Variants in TYW1 observed in about 807,000 individuals in gnomAD.
TYW1 encodes the protein tRNA-yW synthesizing protein 1 homolog.
A neutral mutation model predicts 96.2 loss-of-function variants in TYW1; 46 were observed. The observed-to-expected ratio is 0.48, with a 90% CI of 0.38 to 0.61. TYW1 has a LOEUF of 0.61. Ranked by LOEUF, TYW1 falls within the 20% of genes least tolerant of loss-of-function variation. TYW1 has a pLI of 0.00. For missense variants in TYW1, 684 were observed against 909.6 expected (o/e 0.75, Z 3.19); for synonymous variants, 274 against 323.0 (o/e 0.85, Z 1.63).
At chr7:67,120,005 A>C (rs1299431686) in intron 13 of TYW1, among the ~76,000 whole-genome samples, 1 of 152,018 alleles carries the variant, frequency 6.6e-6, no homozygotes, top group Non-Finnish European at 1.5e-5. Flanking sequence ...GGCCTCAGGC[A>C]ATCTTCCTGC....
chr7:67,090,524 G>C (rs1179230160), intron 11 of TYW1, among the ~76,000 whole-genome samples: 1 of 152,160 alleles, frequency 6.6e-6, no homozygotes, highest in Non-Finnish European at 1.5e-5. Context: ...TCTGCTGACT[G>C]TAATTGTGAT....
At chr7:67,147,221 G>A (rs1798635809) in intron 13 of TYW1, among the ~76,000 whole-genome samples, 1 of 152,060 alleles carries the variant, frequency 6.6e-6, no homozygotes, top group Non-Finnish European at 1.5e-5. Context: ...AGACTACCTA[G>A]CGTTTACATT....
At chr7:67,028,245 A>C (rs1444560795) in intron 7 of TYW1, among the ~76,000 whole-genome samples, 1 of 151,526 alleles carries the variant, frequency 6.6e-6, no homozygotes, top group Non-Finnish European at 1.5e-5. Context: ...TCTCAAAAAA[A>C]AAAAAAAAAA....
intron 7 of TYW1, among the ~76,000 whole-genome samples, chr7:67,039,542 A>G (rs969039202): frequency 8.5e-5 from 13 of 152,180 alleles, no homozygotes; most frequent in African/African-American, 3.1e-4. Context: ...ATCTAAAGGT[A>G]CAGTTTAACC....
At chr7:67,174,603 T>C (rs1223776190) in intron 13 of TYW1, among the ~76,000 whole-genome samples, 6 of 148,924 alleles carry the variant, frequency 4.0e-5, no homozygotes, top group Non-Finnish European at 5.9e-5. Context: ...ACAATGTTTT[T>C]TTTTTTAAAA....
At chr7:67,031,273 C>T (rs1320172320) in intron 7 of TYW1, among the ~76,000 whole-genome samples, 4 of 129,112 alleles carry the variant, frequency 3.1e-5, no homozygotes, top group Non-Finnish European at 6.4e-5. Flanking sequence ...TAGATACTAA[C>T]TATGTAAGGC....
At chr7:67,141,908 G>T (rs1040076101) in intron 13 of TYW1, among the ~76,000 whole-genome samples, 1 of 152,084 alleles carries the variant, frequency 6.6e-6, no homozygotes, top group Non-Finnish European at 1.5e-5. Context: ...GGTGGTAGGC[G>T]CCTGTAATCC....
At chr7:67,046,316 C>T (rs1026251891) in intron 7 of TYW1, among the ~76,000 whole-genome samples, 3 of 152,096 alleles carry the variant, frequency 2.0e-5, no homozygotes, top group African/African-American at 7.2e-5. Flanking sequence ...CCTCTGGTAT[C>T]ACGCATTGGG....
intron 6 of TYW1, among the ~76,000 whole-genome samples, chr7:67,018,520 A>T (rs1180844798): frequency 6.6e-6 from 1 of 151,874 alleles, no homozygotes; most frequent in African/African-American, 2.4e-5. Flanking sequence ...CAGCCTGGGC[A>T]ACAGAGTGAG....
intron 11 of TYW1, among the ~76,000 whole-genome samples, chr7:67,095,062 A>G (rs1796851425): frequency 6.6e-6 from 1 of 151,446 alleles, no homozygotes; most frequent in Non-Finnish European, 1.5e-5. Flanking sequence ...GCAGTGGCGC[A>G]GTCTCAGCTC....
intron 9 of TYW1, among the ~76,000 whole-genome samples, chr7:67,065,215 T>G (rs912124017): frequency 2.6e-5 from 4 of 152,232 alleles, no homozygotes; most frequent in Non-Finnish European, 5.9e-5. Flanking sequence ...TCTCTCTTCC[T>G]GTTCTTATAA....
chr7:67,121,870 C>T (rs1797769724), intron 13 of TYW1, among the ~76,000 whole-genome samples: 1 of 149,680 alleles, frequency 6.7e-6, no homozygotes, highest in African/African-American at 2.5e-5. Flanking sequence ...TGTTCCTTTT[C>T]AATATGAGGA....
chr7:67,108,075 C>T (rs1411058179), intron 12 of TYW1, among the ~76,000 whole-genome samples: 1 of 149,970 alleles, frequency 6.7e-6, no homozygotes, highest in Non-Finnish European at 1.5e-5. Flanking sequence ...CAGGGTTTCA[C>T]CATGTTGGCC....
At chr7:67,127,245 A>G (rs370258477) in intron 13 of TYW1, among the ~76,000 whole-genome samples, 2 of 146,326 alleles carry the variant, frequency 1.4e-5, no homozygotes, top group Non-Finnish European at 3.0e-5. Flanking sequence ...TGCAACCTCC[A>G]CCTCCCAGGT....
intron 10 of TYW1, among the ~76,000 whole-genome samples, chr7:67,074,484 A>G (rs971833289): frequency 5.9e-5 from 9 of 152,218 alleles, no homozygotes; most frequent in Non-Finnish European, 1.0e-4. Flanking sequence ...TTGGAAAGCA[A>G]ACAGTATCAT....
Position 67,180,383 on chromosome 7 carries a change from G to T in TYW1, c.1699-2743G>T, listed in dbSNP as rs1398098938. Among the ~76,000 whole-genome samples, 133 of 67,812 alleles carry T rather than the reference G, an allele frequency of 2.0e-3. 28 individuals carry two copies. Among genetic ancestry groups the T allele is most frequent in the African/African-American group, 9.1e-3 (117 of 12,794 alleles). 44.5% of individuals were successfully genotyped at this position (67,812 alleles called of 152,430 possible). ...ACTACCGTATCCTTGGAAAGCTGTT[G>T]GTTTATATATATATATATATATTTA... is the stretch of plus-strand genomic sequence containing the variant. On this transcript the variant is annotated intron_variant, in intron 13 of 15. Coordinates refer to ENST00000359626, the MANE Select transcript of TYW1 (RefSeq NM_018264.4).
chr7:67,115,211 G>A (rs910092889), intron 12 of TYW1, among the ~76,000 whole-genome samples: 6 of 149,774 alleles, frequency 4.0e-5, no homozygotes, highest in African/African-American at 1.5e-4. Context: ...ATCAGATGAT[G>A]ATAGCCAGCA....
intron 13 of TYW1, among the ~76,000 whole-genome samples, chr7:67,124,600 C>T (rs1240067207): frequency 6.6e-6 from 1 of 152,010 alleles, no homozygotes; most frequent in Non-Finnish European, 1.5e-5. Context: ...ATTAATTTTG[C>T]CTGTTATTGA....
At chr7:67,101,164 C>T (rs1329756286) in intron 12 of TYW1, among the ~76,000 whole-genome samples, 3 of 152,096 alleles carry the variant, frequency 2.0e-5, no homozygotes, top group African/African-American at 4.8e-5. Context: ...TGCACCTGAA[C>T]GGAAAGGAAT....
Sources: gnomAD v4.1 joint callset for allele counts (sites outside exome capture counted in the v4.1 genomes callset) on GRCh38, gnomAD v4.1.1 for gene constraint, MANE v1.5 for transcripts, NCBI Gene and HGNC (gene_info 2026-07-23, HGNC 2026-07-21) for gene names.